MDGA2: variants seen among roughly 807,000 people sequenced by gnomAD.
MDGA2 encodes the protein MAM domain-containing glycosylphosphatidylinositol anchor protein 2.
MDGA2 carries 40 observed loss-of-function variants against 117.8 expected under a neutral mutation model. The observed-to-expected ratio is 0.34, with a 90% confidence interval of 0.26 to 0.44. The LOEUF (loss-of-function observed/expected upper bound fraction) is 0.44, where lower values mean the gene tolerates loss of function less well. MDGA2 is among the 20% of genes least tolerant of loss of function. The pLI is 1.00. For synonymous variants in MDGA2, 452 were observed against 439.0 expected (o/e 1.03, Z -0.37); for missense variants, 1,123 against 1,250.6 (o/e 0.90, Z 1.54).
chr14:46,945,258 T>C (rs542679711), intron 9 of MDGA2, among the ~76,000 whole-genome samples: 1 of 152,200 alleles, frequency 6.6e-6, no homozygotes, highest in African/African-American at 2.4e-5. Flanking sequence ...AAATTCCGCC[T>C]CCCTCTAAAT....
At position 46,995,526 on chromosome 14, in the gene MDGA2, A is replaced by G. The variant is rs530360203; in HGVS notation, c.1820-37883T>C. Among the ~76,000 whole-genome samples, 206 of 152,294 alleles carry G rather than the reference A, an allele frequency of 1.4e-3. 2 individuals are homozygous for G. The highest frequency in any genetic ancestry group is 4.8e-3 in the African/African-American group (199 of 41,590). ...AATTTGTCATTTTTGACAGGTAATC[A>G]ATGTGTTTAAACTATTTCATAACCA... is the stretch of plus-strand genomic sequence containing the variant. On this transcript the variant is annotated intron_variant, in intron 8 of 16. Transcript: ENST00000399232.
At chr14:47,153,976 C>T (rs929981890) in intron 3 of MDGA2, among the ~76,000 whole-genome samples, 1 of 152,000 alleles carries the variant, frequency 6.6e-6, no homozygotes, top group East Asian at 1.9e-4. Context: ...CTGTACTTTA[C>T]AGAGTGAAAG....
At chr14:47,108,842 A>G (rs1160871477) in intron 5 of MDGA2, among the ~76,000 whole-genome samples, 1 of 152,206 alleles carries the variant, frequency 6.6e-6, no homozygotes, top group Non-Finnish European at 1.5e-5. Context: ...AGGTGAGCAA[A>G]AGTCAGTGAA....
At chr14:47,609,230 G>C (rs1196673944) in intron 1 of MDGA2, among the ~76,000 whole-genome samples, 1 of 150,416 alleles carries the variant, frequency 6.6e-6, no homozygotes, top group African/African-American at 2.4e-5. Flanking sequence ...GTCTTCTCAA[G>C]TCCCCAAAGT....
intron 9 of MDGA2, among the ~76,000 whole-genome samples, chr14:46,935,547 C>T (rs1283560187): frequency 6.6e-6 from 1 of 152,118 alleles, no homozygotes; most frequent in Admixed American, 6.6e-5. Context: ...TTTATTAGAA[C>T]CCACATTCTT....
chr14:46,845,700 A>T lies in MDGA2; in HGVS notation c.2989+66T>A, dbSNP rs959881954. ...TCCGTTTTTAAAATTAATTAAATTA[A>T]ATGTTAATTTAATAGTAATGTTACT... is the stretch of plus-strand genomic sequence containing the variant. On this transcript the variant is annotated intron_variant, in intron 16 of 16. Coordinates refer to ENST00000399232, the MANE Select transcript of MDGA2 (RefSeq NM_001113498.3). 7 of 958,996 alleles carry T rather than the reference A, an allele frequency of 7.3e-6. No homozygotes were observed. In the Admixed American group the frequency reaches 1.8e-4, roughly 24 times the overall value. The allele number at this position is 958,996 out of a possible 1,614,324, so 59.4% of individuals were successfully genotyped here.
At chr14:47,140,894 A>C (rs561243959) in intron 4 of MDGA2, among the ~76,000 whole-genome samples, 7 of 152,276 alleles carry the variant, frequency 4.6e-5, no homozygotes, top group African/African-American at 1.7e-4. Flanking sequence ...AAATATTTGC[A>C]AACTATGCAT....
chr14:47,316,955 C>T (rs184698937), intron 1 of MDGA2, among the ~76,000 whole-genome samples: 1 of 152,044 alleles, frequency 6.6e-6, no homozygotes, highest in African/African-American at 2.4e-5. Context: ...TGACATATAT[C>T]AAACTTCCCT....
intron 3 of MDGA2, among the ~76,000 whole-genome samples, chr14:47,185,877 A>C (rs1269748152): frequency 1.3e-5 from 2 of 150,938 alleles, no homozygotes; most frequent in Non-Finnish European, 1.5e-5. Flanking sequence ...GATAAAAGAT[A>C]CAAAAAACCC....
Position 47,270,809 on chromosome 14 carries a change from T to A in MDGA2, c.420+30602A>T, listed in dbSNP as rs145948202. Among the ~76,000 whole-genome samples the A allele has an allele frequency of 1.6e-4, 24 of 152,264 alleles. No individual in the cohort carries two copies. The East Asian group carries it at 4.5e-3, about 28-fold the overall frequency. On this transcript the variant is annotated intron_variant, in intron 2 of 16. Transcript: ENST00000399232. Reference sequence around the variant, plus strand: ...GTGTGTGTGGGCACGTGAGCACACATGTGAATATGCTCTCAAAATAATAGA... The same window carrying A: ...GTGTGTGTGGGCACGTGAGCACACAAGTGAATATGCTCTCAAAATAATAGA...
intron 15 of MDGA2, 52 bp from the exon 16 acceptor site, chr14:46,845,923 A>G: frequency 7.2e-7 from 1 of 1,392,830 alleles, no homozygotes; most frequent in Non-Finnish European, 1.0e-6. Context: ...TTTGCAGATC[A>G]GTTTCTCTTG....
At chr14:47,669,610 C>G (rs772426395) in intron 1 of MDGA2, among the ~76,000 whole-genome samples, 1 of 152,138 alleles carries the variant, frequency 6.6e-6, no homozygotes, top group Non-Finnish European at 1.5e-5. Flanking sequence ...AATGAGCAGC[C>G]CAGCCACTTT....
At chr14:47,645,467 C>T (rs1162626265) in intron 1 of MDGA2, among the ~76,000 whole-genome samples, 1 of 151,778 alleles carries the variant, frequency 6.6e-6, no homozygotes, top group Non-Finnish European at 1.5e-5. Flanking sequence ...ATCTCCTGAC[C>T]TCAAGATCCG....
At chr14:47,437,639 T>A (rs1892924945) in intron 1 of MDGA2, among the ~76,000 whole-genome samples, 1 of 152,162 alleles carries the variant, frequency 6.6e-6, no homozygotes, top group African/African-American at 2.4e-5. Context: ...GATAGGAAGT[T>A]ACTGTGTGAA....
chr14:47,311,530 G>C (rs2139843308), intron 1 of MDGA2, among the ~76,000 whole-genome samples: 1 of 152,240 alleles, frequency 6.6e-6, no homozygotes, highest in East Asian at 1.9e-4. Flanking sequence ...ACAGAGATCA[G>C]TGAGATAATG....
At chr14:47,317,574 T>G (rs1420319263) in intron 1 of MDGA2, among the ~76,000 whole-genome samples, 1 of 152,108 alleles carries the variant, frequency 6.6e-6, no homozygotes, top group Non-Finnish European at 1.5e-5. Context: ...AAAAGCTTCC[T>G]GTAATGCTAG....
chr14:47,012,832 A>C (rs1015773855), intron 8 of MDGA2, among the ~76,000 whole-genome samples: 1 of 152,112 alleles, frequency 6.6e-6, no homozygotes, highest in Non-Finnish European at 1.5e-5. Flanking sequence ...GCAAGCCACG[A>C]ATTTTTTTGG....
chr14:47,113,895 A>C (rs182657983), intron 5 of MDGA2, among the ~76,000 whole-genome samples: 130 of 152,284 alleles, frequency 8.5e-4, no homozygotes, highest in Admixed American at 1.6e-3. Context: ...TAGTACTGGA[A>C]GTTCTGGCCA....
chr14:47,032,450 G>T (rs1888696349), intron 8 of MDGA2, among the ~76,000 whole-genome samples: 1 of 152,004 alleles, frequency 6.6e-6, no homozygotes, highest in African/African-American at 2.4e-5. Flanking sequence ...AGCCAGGTAT[G>T]GAGGTGCACA....
Sources: allele counts gnomAD v4.1 joint callset (sites outside exome capture counted in the v4.1 genomes callset), GRCh38; gene constraint gnomAD v4.1.1; transcripts MANE v1.5; gene names NCBI Gene and HGNC (gene_info 2026-07-23, HGNC 2026-07-21).